PCDH15: variants seen among roughly 807,000 people sequenced by gnomAD.
PCDH15 encodes protocadherin-15.
A neutral mutation model predicts 178.5 loss-of-function variants in PCDH15; 129 were observed. That is an observed-to-expected ratio of 0.72 (90% CI 0.63 to 0.84). PCDH15 has a LOEUF of 0.84. Among genes scored for constraint, PCDH15 ranks in the 40% least tolerant of loss-of-function variants. The probability of loss-of-function intolerance (pLI) is 0.00; values close to 1 mark genes in which losing one functional copy is unlikely to be tolerated. For synonymous variants in PCDH15, 800 were observed against 732.0 expected, an observed-to-expected ratio of 1.09 and a Z score of -1.50; for missense variants, 2,230 against 2,099.9, an observed-to-expected ratio of 1.06 and a Z score of -1.21.
chr10:55,393,346 C>A (rs973338046), intron 2 of PCDH15, among the ~76,000 whole-genome samples: 1 of 152,118 alleles, frequency 6.6e-6, no homozygotes, highest in Non-Finnish European at 1.5e-5. Flanking sequence ...ACTGTAGGAA[C>A]TACTGACTCA....
chr10:53,998,016 A>G (rs980297209), intron 20 of PCDH15, among the ~76,000 whole-genome samples: 1 of 152,194 alleles, frequency 6.6e-6, no homozygotes, highest in Non-Finnish European at 1.5e-5. Context: ...TCAATAGTTC[A>G]CTGTATTTAT....
At chr10:53,832,855 G>A (rs1382808916) in intron 29 of PCDH15, among the ~76,000 whole-genome samples, 1 of 151,742 alleles carries the variant, frequency 6.6e-6, no homozygotes, top group Non-Finnish European at 1.5e-5. Flanking sequence ...AGAAGTGCCT[G>A]GTATCACATA....
intron 2 of PCDH15, among the ~76,000 whole-genome samples, chr10:55,098,279 T>C (rs898241227): frequency 6.6e-6 from 1 of 152,144 alleles, no homozygotes; most frequent in Non-Finnish European, 1.5e-5. Context: ...TGGAGGGCCA[T>C]ATGTTATTAA....
chr10:55,169,898 A>G (rs1673864684), intron 1 of PCDH15, among the ~76,000 whole-genome samples: 2 of 152,140 alleles, frequency 1.3e-5, no homozygotes. Flanking sequence ...TTACCTTTCT[A>G]CATAAATAAT....
intron 2 of PCDH15, among the ~76,000 whole-genome samples, chr10:55,571,113 G>A (rs1456119926): frequency 6.6e-6 from 1 of 151,978 alleles, no homozygotes; most frequent in Non-Finnish European, 1.5e-5. Flanking sequence ...GAATACCTTC[G>A]TGCCTTCCCT....
chr10:55,557,330 A>G (rs1361493828), intron 2 of PCDH15, among the ~76,000 whole-genome samples: 1 of 152,154 alleles, frequency 6.6e-6, no homozygotes, highest in Non-Finnish European at 1.5e-5. Context: ...GTTTTAGATT[A>G]TTCACTAATT....
intron 2 of PCDH15, among the ~76,000 whole-genome samples, chr10:55,110,765 G>A (rs1448695423): frequency 6.6e-6 from 1 of 151,916 alleles, no homozygotes; most frequent in South Asian, 2.1e-4. Flanking sequence ...TGGAGAAAAT[G>A]TACTCCCTTA....
chr10:54,082,674 TC>T (rs1246338704), intron 16 of PCDH15, among the ~76,000 whole-genome samples: 1 of 151,968 alleles, frequency 6.6e-6, no homozygotes, highest in African/African-American at 2.4e-5. Flanking sequence ...ATATTCATAA[TC>T]TTGGATTTGG....
intron 2 of PCDH15, among the ~76,000 whole-genome samples, chr10:55,604,006 C>T (rs1240249661): frequency 5.3e-5 from 6 of 112,354 alleles, no homozygotes; most frequent in Admixed American, 9.3e-5. Flanking sequence ...ACCCATCTCA[C>T]GTGCAGAGAC....
At chr10:55,328,625 A>T (rs1370865537) in intron 2 of PCDH15, among the ~76,000 whole-genome samples, 1 of 151,590 alleles carries the variant, frequency 6.6e-6, no homozygotes, top group African/African-American at 2.4e-5. Flanking sequence ...ATATATGAGG[A>T]TTCAATAAAC....
rs915486215 is a variant in PCDH15 at position 54,224,124 on chromosome 10, C to T, written c.986-10076G>A. The stretch of plus-strand genomic sequence containing the variant: ...TGATTAACACAGAAATAAAAGAGAA[C>T]ACTGTCTTCTGGGTGCCATGAAGAT... On this transcript the variant is annotated intron_variant, in intron 9 of 37. Coordinates refer to ENST00000644397, the MANE Select transcript of PCDH15 (RefSeq NM_001384140.1). 2.0e-5 allele frequency among the ~76,000 whole-genome samples: 3 copies of T among 152,182 alleles called. No homozygotes were observed. The South Asian group carries it at 6.2e-4, about 32-fold the overall frequency.
At chr10:54,600,111 A>G in intron 2 of PCDH15, 1 of 910,546 alleles carries the variant, frequency 1.1e-6, no homozygotes, top group Non-Finnish European at 1.7e-6. Context: ...AGGAAGAGAA[A>G]CCAATGGATG....
In PCDH15 at chr10:53,823,277, C is replaced by T. The variant is rs2076430508; in HGVS notation, c.4368-3047G>A. Reference sequence around the variant, plus strand: ...CCTCAATAGTATTGGAAGAAAAGGGCATCACAACTTGTTGATGTTTCCTGT... The same window carrying T: ...CCTCAATAGTATTGGAAGAAAAGGGTATCACAACTTGTTGATGTTTCCTGT... On this transcript the variant is annotated intron_variant, in intron 32 of 37. Coordinates refer to ENST00000644397, the MANE Select transcript of PCDH15 (RefSeq NM_001384140.1). 6.2e-7 allele frequency: 1 copy of T among 1,613,862 alleles called. No individual in the cohort carries two copies. Among genetic ancestry groups the T allele is most frequent in the Non-Finnish European group, 8.5e-7 (1 of 1,179,940 alleles).
chr10:55,013,796 C>A (rs1840105719), intron 2 of PCDH15, among the ~76,000 whole-genome samples: 1 of 151,772 alleles, frequency 6.6e-6, no homozygotes, highest in African/African-American at 2.4e-5. Context: ...GCACTTGGCC[C>A]CAAATAGGTA....
At chr10:55,434,077 C>CTTTTTTTTTTTTTTTTTTTTTTTTTTT (rs60921527) in intron 2 of PCDH15, among the ~76,000 whole-genome samples, 1 of 90,826 alleles carries the variant, frequency 1.1e-5, no homozygotes, top group African/African-American at 4.5e-5. Context: ...CTTTTCTTTT[C>CTTTTTTTTTTTTTTTTTTTTTTTTTTT]TTTTTTTTTT....
At chr10:54,827,292 C>T (rs1193605959) in intron 3 of PCDH15, among the ~76,000 whole-genome samples, 1 of 152,090 alleles carries the variant, frequency 6.6e-6, no homozygotes, top group Non-Finnish European at 1.5e-5. Context: ...ATAATGGTTT[C>T]AAATGCTTGC....
chr10:53,940,859 T>C lies in PCDH15; in HGVS notation c.3232+7A>G. ...ATGGTGAGAACACAAACTAAAAGTC[T>C]ACTCACCTTCTTCATTTCCTGAAAC... is the stretch of plus-strand genomic sequence containing the variant. On this transcript the variant is annotated splice_region_variant and intron_variant, in intron 24 of 37. Transcript: ENST00000644397. The C allele has an allele frequency of 6.3e-7, 1 of 1,594,794 alleles. No homozygotes were observed. Among genetic ancestry groups the C allele is most frequent in the Non-Finnish European group, 8.6e-7 (1 of 1,162,564 alleles).
At chr10:54,853,530 T>C (rs1450316692) in intron 3 of PCDH15, among the ~76,000 whole-genome samples, 2 of 150,132 alleles carry the variant, frequency 1.3e-5, no homozygotes, top group African/African-American at 2.4e-5. Context: ...GTTGAGTTTG[T>C]AGAAGAAATC....
intron 1 of PCDH15, among the ~76,000 whole-genome samples, chr10:55,277,385 G>A (rs1842620549): frequency 6.6e-6 from 1 of 151,920 alleles, no homozygotes; most frequent in Non-Finnish European, 1.5e-5. Context: ...AAAGAGGAAT[G>A]GTTTCTGAAA....
Sources: allele counts gnomAD v4.1 joint callset (sites outside exome capture counted in the v4.1 genomes callset), GRCh38; gene constraint gnomAD v4.1.1; transcripts MANE v1.5; gene names NCBI Gene and HGNC (gene_info 2026-07-23, HGNC 2026-07-21).